Variants in SAMD5 observed in about 807,000 individuals in gnomAD.
The protein encoded by SAMD5 is sterile alpha motif domain containing 5.
In SAMD5, 13 loss-of-function variants were observed where a neutral mutation model predicts 11.3. The ratio of observed to expected loss-of-function variants is 1.15; its 90% CI spans 0.75 to 1.83. The LOEUF (loss-of-function observed/expected upper bound fraction) is 1.83, where lower values mean the gene tolerates loss of function less well. SAMD5 is among the 40% of genes most tolerant of loss of function. SAMD5 has a pLI of 0.00. For missense variants in SAMD5, 255 were observed against 239.1 expected (o/e 1.07, Z -0.44); for synonymous variants, 129 against 111.3 (o/e 1.16, Z -1.00).
intron 1 of SAMD5, among the ~76,000 whole-genome samples, chr6:147,604,264 T>C (rs1458040216): frequency 1.3e-5 from 2 of 152,090 alleles, no homozygotes; most frequent in African/African-American, 4.8e-5. Context: ...ACTTGAGTTA[T>C]TCTTAGATCA....
chr6:147,686,705 C>G (rs1029214995), intron 1 of SAMD5, among the ~76,000 whole-genome samples: 3 of 126,126 alleles, frequency 2.4e-5, no homozygotes, highest in African/African-American at 7.7e-5. Flanking sequence ...TCCATTATAA[C>G]AACTCTTTTT....
chr6:147,623,566 A>G (rs995846066), intron 1 of SAMD5, among the ~76,000 whole-genome samples: 1 of 152,268 alleles, frequency 6.6e-6, no homozygotes, highest in East Asian at 1.9e-4. Flanking sequence ...TTCGTGATGT[A>G]TTTTCTTGTT....
At chr6:147,635,934 G>A (rs1468342020) in intron 1 of SAMD5, among the ~76,000 whole-genome samples, 1 of 152,206 alleles carries the variant, frequency 6.6e-6, no homozygotes, top group Non-Finnish European at 1.5e-5. Context: ...CTGGGTTGGG[G>A]TGGTTGTTAC....
the SAMD5 span, among the ~76,000 whole-genome samples, chr6:147,766,929 A>T: frequency 6.6e-6 from 1 of 152,244 alleles, no homozygotes; most frequent in Admixed American, 6.5e-5. Flanking sequence ...GGGAGAAAGT[A>T]AAGTTTGTAG....
chr6:147,865,848 A>G, the SAMD5 span, among the ~76,000 whole-genome samples: 1 of 152,192 alleles, frequency 6.6e-6, no homozygotes, highest in Non-Finnish European at 1.5e-5. Context: ...ATAACTGGTT[A>G]TTTGGAGCAG....
At chr6:147,620,622 G>A (rs182409366) in intron 1 of SAMD5, among the ~76,000 whole-genome samples, 9 of 152,282 alleles carry the variant, frequency 5.9e-5, no homozygotes, top group East Asian at 1.9e-4. Context: ...AGAAGGACCC[G>A]GAGTGATTTC....
chr6:147,931,703 GA>G, the SAMD5 span, among the ~76,000 whole-genome samples: 2 of 152,140 alleles, frequency 1.3e-5, no homozygotes, highest in Non-Finnish European at 2.9e-5. Flanking sequence ...GCAGAGCAAG[GA>G]AACATGCTGC....
the SAMD5 span, among the ~76,000 whole-genome samples, chr6:147,901,324 A>C: frequency 6.6e-6 from 1 of 152,238 alleles, no homozygotes; most frequent in African/African-American, 2.4e-5. Context: ...AGTTATTTAA[A>C]GCATATTTAT....
the SAMD5 span, among the ~76,000 whole-genome samples, chr6:147,764,922 A>G: frequency 1.3e-5 from 2 of 152,162 alleles, no homozygotes; most frequent in Admixed American, 6.5e-5. Context: ...GTGGTTTGAT[A>G]CCATCTCACT....
chr6:147,880,074 A>G, the SAMD5 span, among the ~76,000 whole-genome samples: 3 of 152,218 alleles, frequency 2.0e-5, no homozygotes, highest in African/African-American at 4.8e-5. Flanking sequence ...TGTGTTTTCC[A>G]TATGTCATTT....
chr6:147,722,218 G>T (rs564223542), intron 1 of SAMD5, among the ~76,000 whole-genome samples: 39 of 151,912 alleles, frequency 2.6e-4, no homozygotes, highest in Middle Eastern at 3.4e-3. Context: ...GCTTATGAAT[G>T]AGCTCAATGA....
At chr6:147,734,429 G>C (rs1000608043) in intron 1 of SAMD5, among the ~76,000 whole-genome samples, 3 of 152,010 alleles carry the variant, frequency 2.0e-5, no homozygotes, top group Non-Finnish European at 4.4e-5. Flanking sequence ...AAGATTTAGA[G>C]ACCCAGACCG....
chr6:147,775,887 G>A, the SAMD5 span, among the ~76,000 whole-genome samples: 1 of 152,128 alleles, frequency 6.6e-6, no homozygotes, highest in Non-Finnish European at 1.5e-5. Context: ...AAGGGATGGC[G>A]ATAATGATAT....
At position 147,566,013 on chromosome 6, in the gene SAMD5, A is replaced by T; in HGVS notation, c.*1557A>T. ...CTCAAAGGAAAAGAAACTTACATTCACTTTTTCCTGGTCCATTTTGGTTCC... is the reference window on the plus strand; with the variant it reads ...CTCAAAGGAAAAGAAACTTACATTCTCTTTTTCCTGGTCCATTTTGGTTCC... On this transcript the variant is annotated 3_prime_UTR_variant, in exon 2 of 2. Coordinates refer to ENST00000367474, the MANE Select transcript of SAMD5 (RefSeq NM_001030060.3). The T allele has an allele frequency of 3.0e-6, 3 of 985,340 alleles. No individual in the cohort carries two copies. Among genetic ancestry groups the T allele is most frequent in the Non-Finnish European group, 3.6e-6 (3 of 829,858 alleles). The allele number at this position is 985,340 out of a possible 1,614,324, so 61.0% of individuals were successfully genotyped here.
chr6:147,620,979 TGTGTGTGTGTGC>T (rs891706423), intron 1 of SAMD5, among the ~76,000 whole-genome samples: 4 of 113,194 alleles, frequency 3.5e-5, no homozygotes, highest in African/African-American at 1.1e-4. Flanking sequence ...TGTGTGTGTG[TGTGTGTGTGTGC>T]GCGCGCGCAC....
the SAMD5 span, among the ~76,000 whole-genome samples, chr6:147,899,054 AC>A: frequency 6.6e-6 from 1 of 150,740 alleles, no homozygotes; most frequent in African/African-American, 2.4e-5. Context: ...GGTGGCAGGC[AC>A]CTGTAGTCCC....
intron 1 of SAMD5, among the ~76,000 whole-genome samples, chr6:147,592,404 C>T (rs767025073): frequency 7.2e-5 from 11 of 151,852 alleles, no homozygotes; most frequent in Admixed American, 2.6e-4. Context: ...CATGGGAGTG[C>T]GGGAGAGGCA....
intron 1 of SAMD5, among the ~76,000 whole-genome samples, chr6:147,646,973 A>AATAATAATC (rs1790413244): frequency 5.0e-5 from 1 of 20,120 alleles, no homozygotes; most frequent in Non-Finnish European, 9.7e-5. Flanking sequence ...CCTCATCTCT[A>AATAATAATC]ATAATAATAA....
intron 1 of SAMD5, among the ~76,000 whole-genome samples, chr6:147,580,669 G>A (rs997384436): frequency 3.9e-5 from 6 of 152,210 alleles, no homozygotes; most frequent in African/African-American, 1.4e-4. Flanking sequence ...TGTATGGCCA[G>A]TGGTAGCATA....
Sources: gnomAD v4.1 joint callset for allele counts (sites outside exome capture counted in the v4.1 genomes callset) on GRCh38, gnomAD v4.1.1 for gene constraint, MANE v1.5 for transcripts, NCBI Gene and HGNC (gene_info 2026-07-23, HGNC 2026-07-21) for gene names.